STK33: variants seen among roughly 807,000 people sequenced by gnomAD.
STK33 encodes the protein serine/threonine-protein kinase 33.
Under a neutral mutation model 58.0 loss-of-function variants are expected in STK33, and 52 were observed. That is an observed-to-expected ratio of 0.90 (90% CI 0.72 to 1.13). The LOEUF is 1.13. STK33 is among the 50% of genes most tolerant of loss of function. The pLI is 0.00. For missense variants in STK33, 630 were observed against 604.2 expected, an observed-to-expected ratio of 1.04 and a Z score of -0.45; for synonymous variants, 215 against 200.1, an observed-to-expected ratio of 1.07 and a Z score of -0.63.
intron 15 of STK33, among the ~76,000 whole-genome samples, chr11:8,402,454 G>A (rs1394183790): frequency 2.0e-5 from 3 of 152,218 alleles, no homozygotes; most frequent in South Asian, 2.1e-4. Flanking sequence ...ATCACACACC[G>A]GGGCCTGTTG....
chr11:8,380,173 T>A, the STK33 span, among the ~76,000 whole-genome samples: 1 of 152,216 alleles, frequency 6.6e-6, no homozygotes, highest in East Asian at 1.9e-4. Flanking sequence ...TTGAATGGTA[T>A]TTGTGTTTTT....
At chr11:8,510,271 A>G (rs993895272) in intron 1 of STK33, among the ~76,000 whole-genome samples, 1 of 152,158 alleles carries the variant, frequency 6.6e-6, no homozygotes, top group Non-Finnish European at 1.5e-5. Context: ...AGCATTTTTC[A>G]TAAGTTTGTT....
intron 6 of STK33, chr11:8,465,594 A>G (rs1948081293): frequency 6.6e-6 from 1 of 152,180 alleles, no homozygotes. Flanking sequence ...CCTGATCCAA[A>G]TCAACTCCAG....
At chr11:8,573,796 G>C (rs981761967) in intron 1 of STK33, among the ~76,000 whole-genome samples, 3 of 152,206 alleles carry the variant, frequency 2.0e-5, no homozygotes, top group African/African-American at 7.2e-5. Flanking sequence ...AGGGAATTAT[G>C]CTGAGTGAAA....
chr11:8,519,991 T>A (rs985539737), intron 1 of STK33, among the ~76,000 whole-genome samples: 1 of 152,200 alleles, frequency 6.6e-6, no homozygotes, highest in Non-Finnish European at 1.5e-5. Flanking sequence ...TAGCTCATTT[T>A]ATGAGGCCAG....
the STK33 span, among the ~76,000 whole-genome samples, chr11:8,342,442 C>G: frequency 1.6e-4 from 25 of 152,308 alleles, no homozygotes; most frequent in African/African-American, 6.0e-4. Context: ...GAGGAACCAT[C>G]ATTTTGTGAC....
chr11:8,471,692 A>C (rs1948795715), intron 6 of STK33, among the ~76,000 whole-genome samples: 1 of 152,180 alleles, frequency 6.6e-6, no homozygotes. Flanking sequence ...AGTTAAAGTT[A>C]CTTCTTTAAA....
chr11:8,386,057 G>C, the STK33 span, among the ~76,000 whole-genome samples: 1 of 152,216 alleles, frequency 6.6e-6, no homozygotes, highest in African/African-American at 2.4e-5. Context: ...ACAGGCGTGA[G>C]CCACCGCGCC....
chr11:8,400,352 G>A (rs1850167947), intron 15 of STK33, among the ~76,000 whole-genome samples: 1 of 152,128 alleles, frequency 6.6e-6, no homozygotes, highest in African/African-American at 2.4e-5. Context: ...CATATAAACA[G>A]AACCAATGAC....
rs11041958 is a variant in STK33, at chr11:8,519,720, C to T, written c.-465-39106G>A. Among the ~76,000 whole-genome samples, 2,400 of 145,344 alleles carry T rather than the reference C, an allele frequency of 0.017. 218 individuals carry two copies. The East Asian group carries it at 0.27, about 16-fold the overall frequency. ...TCAGAGAATACTATAAACACCTCTA[C>T]GCAAATAAACTAGAAAATCTAGACG... On this transcript the variant is annotated intron_variant, in intron 1 of 15. Coordinates refer to ENST00000687296, the MANE Select transcript of STK33 (RefSeq NM_001352389.2).
chr11:8,492,417 C>T (rs1950697234), intron 1 of STK33, among the ~76,000 whole-genome samples: 1 of 152,132 alleles, frequency 6.6e-6, no homozygotes, highest in African/African-American at 2.4e-5. Context: ...TATATATGTA[C>T]CCAATACCAG....
At chr11:8,404,789 C>A (rs1055546741) in intron 15 of STK33, among the ~76,000 whole-genome samples, 2 of 152,178 alleles carry the variant, frequency 1.3e-5, no homozygotes, top group African/African-American at 4.8e-5. Flanking sequence ...ACATATACTA[C>A]AAATCTTTTT....
intron 7 of STK33, among the ~76,000 whole-genome samples, chr11:8,463,654 G>T (rs979160164): frequency 3.9e-5 from 6 of 152,050 alleles, no homozygotes; most frequent in African/African-American, 1.4e-4. Flanking sequence ...CAAATGGCTT[G>T]GCCTGAATAT....
intron 1 of STK33, among the ~76,000 whole-genome samples, chr11:8,494,052 C>G (rs554822573): frequency 6.6e-6 from 1 of 152,170 alleles, no homozygotes; most frequent in African/African-American, 2.4e-5. Context: ...CAGGGATGCC[C>G]TCTCTCACCA....
the STK33 span, among the ~76,000 whole-genome samples, chr11:8,349,350 T>C: frequency 6.6e-6 from 1 of 152,244 alleles, no homozygotes; most frequent in East Asian, 1.9e-4. Context: ...CTTTGTGCCC[T>C]GAAGCCTTTT....
At chr11:8,569,852 G>T (rs1957682852) in intron 1 of STK33, among the ~76,000 whole-genome samples, 2 of 152,164 alleles carry the variant, frequency 1.3e-5, no homozygotes, top group Admixed American at 6.5e-5. Flanking sequence ...AGCTACTCGG[G>T]AGGCTGAGAT....
intron 11 of STK33, among the ~76,000 whole-genome samples, chr11:8,443,632 A>G (rs912032142): frequency 6.6e-6 from 1 of 152,134 alleles, no homozygotes; most frequent in Non-Finnish European, 1.5e-5. Context: ...TCAGAGGAAA[A>G]TATACAGCCT....
At chr11:8,494,526 A>G (rs1228041703) in intron 1 of STK33, among the ~76,000 whole-genome samples, 5 of 152,228 alleles carry the variant, frequency 3.3e-5, no homozygotes, top group Non-Finnish European at 7.4e-5. Context: ...TGCCCAAGGT[A>G]ATTTTATAGA....
intron 11 of STK33, among the ~76,000 whole-genome samples, chr11:8,449,912 G>A (rs1946056284): frequency 6.6e-6 from 1 of 152,204 alleles, no homozygotes; most frequent in Non-Finnish European, 1.5e-5. Context: ...AACAGATGCT[G>A]GAGAGGATGT....
Sources: gnomAD v4.1 joint callset for allele counts (sites outside exome capture counted in the v4.1 genomes callset) on GRCh38, gnomAD v4.1.1 for gene constraint, MANE v1.5 for transcripts, NCBI Gene and HGNC (gene_info 2026-07-23, HGNC 2026-07-21) for gene names.